The following HS3ST4 variants were observed in gnomAD, a reference collection of about 807,000 sequenced individuals.
HS3ST4 encodes the protein heparan sulfate glucosamine 3-O-sulfotransferase 4.
A neutral mutation model predicts 29.2 loss-of-function variants in HS3ST4; 17 were observed. That is an observed-to-expected ratio of 0.58 (90% CI 0.40 to 0.87). The LOEUF is 0.87. Ranked by LOEUF, HS3ST4 falls within the 40% of genes least tolerant of loss-of-function variation. HS3ST4 has a pLI of 0.00. For synonymous variants in HS3ST4, 314 were observed against 285.7 expected (o/e 1.10, Z -1.00); for missense variants, 627 against 634.5 (o/e 0.99, Z 0.13).
intron 1 of HS3ST4, among the ~76,000 whole-genome samples, chr16:25,990,491 C>T (rs1034279683): frequency 1.3e-5 from 2 of 152,316 alleles, no homozygotes; most frequent in Non-Finnish European, 2.9e-5. Flanking sequence ...CTCAGGGAGC[C>T]TTCTAGTAGG....
chr16:25,945,881 GAATTC>G (rs1406670803), intron 1 of HS3ST4, among the ~76,000 whole-genome samples: 2 of 152,044 alleles, frequency 1.3e-5, no homozygotes, highest in Non-Finnish European at 2.9e-5. Context: ...ATCATTTATT[GAATTC>G]ATTTATTCAT....
intron 1 of HS3ST4, among the ~76,000 whole-genome samples, chr16:25,733,650 C>T (rs1230310747): frequency 2.0e-4 from 31 of 152,150 alleles, no homozygotes; most frequent in Non-Finnish European, 4.4e-5. Flanking sequence ...TCTGTCCTGT[C>T]CCCTGCCCTG....
At chr16:25,750,526 G>A (rs1195209842) in intron 1 of HS3ST4, among the ~76,000 whole-genome samples, 1 of 152,152 alleles carries the variant, frequency 6.6e-6, no homozygotes, top group African/African-American at 2.4e-5. Flanking sequence ...GTTGACAGCT[G>A]TTACTTACTC....
At chr16:26,067,046 G>A (rs1460496034) in intron 1 of HS3ST4, among the ~76,000 whole-genome samples, 2 of 152,110 alleles carry the variant, frequency 1.3e-5, no homozygotes, top group East Asian at 3.9e-4. Context: ...TAAGTGCATG[G>A]GAATTTGACA....
At chr16:26,125,938 G>A (rs984108905) in intron 1 of HS3ST4, among the ~76,000 whole-genome samples, 3 of 152,192 alleles carry the variant, frequency 2.0e-5, no homozygotes, top group Admixed American at 1.3e-4. Context: ...GATACTCAGT[G>A]TATTTTGCTA....
chr16:25,829,108 A>G (rs1967267964), intron 1 of HS3ST4, among the ~76,000 whole-genome samples: 2 of 152,226 alleles, frequency 1.3e-5, no homozygotes, highest in African/African-American at 4.8e-5. Flanking sequence ...TTAGTGTGCA[A>G]CAAGTGTGTC....
At chr16:25,774,389 T>A (rs749285411) in intron 1 of HS3ST4, among the ~76,000 whole-genome samples, 33 of 152,216 alleles carry the variant, frequency 2.2e-4, no homozygotes, top group Non-Finnish European at 4.3e-4. Context: ...GTTCAGAAGA[T>A]TAAGCAACTA....
intron 1 of HS3ST4, among the ~76,000 whole-genome samples, chr16:25,787,500 G>C (rs78901000): frequency 0.018 from 2,764 of 152,290 alleles, 48 homozygotes; most frequent in East Asian, 0.1. Flanking sequence ...CCTGACCCTT[G>C]TAGGGATTTG....
At chr16:25,742,074 A>G (rs954112435) in intron 1 of HS3ST4, among the ~76,000 whole-genome samples, 4 of 152,212 alleles carry the variant, frequency 2.6e-5, no homozygotes, top group African/African-American at 7.2e-5. Context: ...AATGACAGAG[A>G]CATACTGGAA....
chr16:25,747,759 G>A (rs1164780449), intron 1 of HS3ST4, among the ~76,000 whole-genome samples: 1 of 152,130 alleles, frequency 6.6e-6, no homozygotes, highest in South Asian at 2.1e-4. Context: ...GCCCAAGCAT[G>A]GATGTTTTCT....
At position 25,995,844 on chromosome 16, in the gene HS3ST4, A is replaced by T. The variant is rs150180284; in HGVS notation, c.735-139768A>T. 3.7e-3 allele frequency among the ~76,000 whole-genome samples: 568 copies of T among 152,352 alleles called. 23 individuals carry two copies. Among genetic ancestry groups the T allele is most frequent in the Admixed American group, 0.037 (561 of 15,298 alleles). ...GAGATGTTGAAAATACTTTGCACAT[A>T]GTAGGTGAACAATAAATGTGAGTTA... On this transcript the variant is annotated intron_variant, in intron 1 of 1. Coordinates refer to ENST00000331351, the MANE Select transcript of HS3ST4 (RefSeq NM_006040.3).
At chr16:25,763,032 A>G (rs566105347) in intron 1 of HS3ST4, among the ~76,000 whole-genome samples, 2 of 152,232 alleles carry the variant, frequency 1.3e-5, no homozygotes, top group South Asian at 4.2e-4. Context: ...CCCAGGAGCC[A>G]GGAAGCCAAA....
At chr16:25,856,610 T>C (rs575900446) in intron 1 of HS3ST4, among the ~76,000 whole-genome samples, 6 of 152,106 alleles carry the variant, frequency 3.9e-5, no homozygotes, top group Admixed American at 1.3e-4. Context: ...TCTTGGGCCA[T>C]ACATAAAATA....
chr16:25,909,138 A>G (rs776762804), intron 1 of HS3ST4, among the ~76,000 whole-genome samples: 3 of 152,114 alleles, frequency 2.0e-5, no homozygotes, highest in Non-Finnish European at 4.4e-5. Context: ...ATTAAAATGC[A>G]TGTTCTGATT....
chr16:25,693,791 A>G (rs1966274214), intron 1 of HS3ST4, among the ~76,000 whole-genome samples: 1 of 152,150 alleles, frequency 6.6e-6, no homozygotes, highest in Non-Finnish European at 1.5e-5. Flanking sequence ...TGTCTGCATG[A>G]CAGTTGGTGC....
At chr16:26,011,726 T>TGC (rs1969313402) in intron 1 of HS3ST4, among the ~76,000 whole-genome samples, 1 of 150,954 alleles carries the variant, frequency 6.6e-6, no homozygotes, top group African/African-American at 2.4e-5. Flanking sequence ...GAGAGAGGTG[T>TGC]GTGTGTGTGT....
intron 1 of HS3ST4, among the ~76,000 whole-genome samples, chr16:25,713,290 G>T (rs1966429742): frequency 6.6e-6 from 1 of 151,948 alleles, no homozygotes; most frequent in African/African-American, 2.4e-5. Context: ...GCACTTTGGG[G>T]GCTGAGGTGG....
At position 25,941,187 on chromosome 16, in the gene HS3ST4, C is replaced by T. The variant is rs139346276; in HGVS notation, c.735-194425C>T. Reference sequence around the variant, plus strand: ...TTTTGTTAGTTTGTTTGTTTTGAGACGGAGTTTCGCCCTTGTTTCCCAGGC... The same window carrying T: ...TTTTGTTAGTTTGTTTGTTTTGAGATGGAGTTTCGCCCTTGTTTCCCAGGC... On this transcript the variant is annotated intron_variant, in intron 1 of 1. Coordinates refer to ENST00000331351, the MANE Select transcript of HS3ST4 (RefSeq NM_006040.3). Among the ~76,000 whole-genome samples the T allele has an allele frequency of 3.8e-3, 575 of 152,138 alleles. 1 individual carries two copies. Among genetic ancestry groups the T allele is most frequent in the Non-Finnish European group, 5.5e-3 (371 of 68,006 alleles).
intron 1 of HS3ST4, among the ~76,000 whole-genome samples, chr16:25,948,845 G>C (rs551416927): frequency 1.3e-5 from 2 of 152,260 alleles, no homozygotes; most frequent in African/African-American, 4.8e-5. Flanking sequence ...GCACTGTGCA[G>C]CAATGCCGTT....
Sources: gnomAD v4.1 joint callset for allele counts (sites outside exome capture counted in the v4.1 genomes callset) on GRCh38, gnomAD v4.1.1 for gene constraint, MANE v1.5 for transcripts, NCBI Gene and HGNC (gene_info 2026-07-23, HGNC 2026-07-21) for gene names.